The following DGKB variants were observed in gnomAD, a reference collection of about 807,000 sequenced individuals.
DGKB encodes 90 kDa diacylglycerol kinase.
In DGKB, 67 loss-of-function variants were observed where a neutral mutation model predicts 114.3. The ratio of observed to expected loss-of-function variants is 0.59; its 90% CI spans 0.48 to 0.72. DGKB has a LOEUF of 0.72. Among genes scored for constraint, DGKB ranks in the 30% least tolerant of loss-of-function variants. The probability of loss-of-function intolerance (pLI) is 0.00; values close to 1 mark genes in which losing one functional copy is unlikely to be tolerated. For missense variants in DGKB, 907 were observed against 975.2 expected (o/e 0.93, Z 0.93); for synonymous variants, 398 against 323.1 (o/e 1.23, Z -2.49).
rs1437066965 is a variant in DGKB at position 14,625,035 on chromosome 7, A to T, written c.1168-3541T>A. Reference sequence around the variant, plus strand: ...AATATATAAATAAAAACAAATTTTAAAACCCTAAGTTGAGTTTTCAACTTA... The same window carrying T: ...AATATATAAATAAAAACAAATTTTATAACCCTAAGTTGAGTTTTCAACTTA... On this transcript the variant is annotated intron_variant, in intron 14 of 25. Transcript: ENST00000402815. Among the ~76,000 whole-genome samples the T allele has an allele frequency of 2.0e-5, 3 of 152,074 alleles. No individual in the cohort carries two copies. The East Asian group carries it at 5.8e-4, about 29-fold the overall frequency.
rs181131680 is a variant in DGKB at position 14,400,984 on chromosome 7, A to G, written c.1836-55593T>C. ...CTCAATTTGCTGTCCTGTACTAGAT[A>G]TGTTGTCTTGTTGACTACAAAATCA... On this transcript the variant is annotated intron_variant, in intron 21 of 25. Coordinates refer to ENST00000402815, the MANE Select transcript of DGKB (RefSeq NM_001350709.2). Among the ~76,000 whole-genome samples the G allele has an allele frequency of 7.8e-4, 119 of 151,876 alleles. 3 individuals are homozygous for G. Among genetic ancestry groups the G allele is most frequent in the Non-Finnish European group, 1.5e-4 (10 of 67,814 alleles).
intron 20 of DGKB, among the ~76,000 whole-genome samples, chr7:14,542,276 G>A (rs578129771): frequency 1.6e-4 from 25 of 152,066 alleles, no homozygotes; most frequent in African/African-American, 5.8e-4. Context: ...ATCCTGTCTC[G>A]TCTTTCCAAA....
chr7:14,428,793 G>A (rs1827979164), intron 21 of DGKB, among the ~76,000 whole-genome samples: 1 of 152,006 alleles, frequency 6.6e-6, no homozygotes, highest in South Asian at 2.1e-4. Flanking sequence ...GCCACTCACT[G>A]ATTCAGCTAA....
At chr7:14,852,289 T>A (rs931718165) in intron 1 of DGKB, among the ~76,000 whole-genome samples, 2 of 151,422 alleles carry the variant, frequency 1.3e-5, no homozygotes, top group Non-Finnish European at 2.9e-5. Flanking sequence ...AGTGTGTGTG[T>A]GTGTGTGTTT....
chr7:14,607,281 T>G (rs1035670538), intron 17 of DGKB, among the ~76,000 whole-genome samples, 153 bp downstream of exon 17: 4 of 151,886 alleles, frequency 2.6e-5, no homozygotes, highest in African/African-American at 4.8e-5. Flanking sequence ...AAACCAGTAT[T>G]TGCACTCATT....
At chr7:14,819,469 G>T (rs1844608501) in intron 2 of DGKB, among the ~76,000 whole-genome samples, 1 of 151,994 alleles carries the variant, frequency 6.6e-6, no homozygotes, top group South Asian at 2.1e-4. Flanking sequence ...CTATGCCTGT[G>T]GTCCCAGCTA....
At chr7:14,209,179 A>G (rs1166747057) in intron 23 of DGKB, 12 of 242,616 alleles carry the variant, frequency 4.9e-5, no homozygotes, top group Non-Finnish European at 7.9e-5. Flanking sequence ...GATAGAAAAA[A>G]AAAAAACGCC....
At chr7:14,790,495 T>A (rs1473324419) in intron 2 of DGKB, among the ~76,000 whole-genome samples, 1 of 127,152 alleles carries the variant, frequency 7.9e-6, no homozygotes, top group Non-Finnish European at 1.6e-5. Context: ...TAGGCTCATT[T>A]TTTTTGTTGT....
chr7:14,482,441 G>A (rs73679794), intron 20 of DGKB, among the ~76,000 whole-genome samples: 309 of 152,154 alleles, frequency 2.0e-3, no homozygotes, highest in African/African-American at 6.9e-3. Context: ...TCAAAAGGGT[G>A]AGGAATATCA....
At chr7:14,151,238 C>T (rs1782153071) in intron 25 of DGKB, among the ~76,000 whole-genome samples, 1 of 151,922 alleles carries the variant, frequency 6.6e-6, no homozygotes, top group Non-Finnish European at 1.5e-5. Flanking sequence ...GGTATAATAG[C>T]ATTAGGGCAT....
intron 15 of DGKB, among the ~76,000 whole-genome samples, chr7:14,616,669 G>C (rs1806592384): frequency 6.6e-6 from 1 of 151,686 alleles, no homozygotes; most frequent in Non-Finnish European, 1.5e-5. Flanking sequence ...ATATAGAACA[G>C]ATGACTTCCT....
In DGKB at chr7:14,838,734, C is replaced by A. The variant is rs549797564; in HGVS notation, c.70+2460G>T. 9.8e-5 allele frequency among the ~76,000 whole-genome samples: 15 copies of A among 152,288 alleles called. 1 individual carries two copies. Among genetic ancestry groups the A allele is most frequent in the African/African-American group, 3.6e-4 (15 of 41,552 alleles). On this transcript the variant is annotated intron_variant, in intron 2 of 25. Coordinates refer to ENST00000402815, the MANE Select transcript of DGKB (RefSeq NM_001350709.2). ...CATCACCATATACCATCTTCTCAGT[C>A]GTCAAAGTAAACTTCTCGAAGCATA... is the stretch of plus-strand genomic sequence containing the variant.
At chr7:14,399,800 G>A (rs1270535980) in intron 21 of DGKB, among the ~76,000 whole-genome samples, 7 of 151,848 alleles carry the variant, frequency 4.6e-5, no homozygotes, top group African/African-American at 1.7e-4. Flanking sequence ...CTCAAAAAGA[G>A]ACAGAATAGG....
chr7:14,461,888 G>A (rs12540039), intron 21 of DGKB, among the ~76,000 whole-genome samples: 10,726 of 152,110 alleles, frequency 0.071, 504 homozygotes, highest in East Asian at 0.21. Context: ...CCAGCAGGAC[G>A]TCAAAAAGCT....
At chr7:14,358,600 G>T (rs577047864) in intron 21 of DGKB, among the ~76,000 whole-genome samples, 1 of 152,204 alleles carries the variant, frequency 6.6e-6, no homozygotes, top group Admixed American at 6.5e-5. Flanking sequence ...AGCAACTTCA[G>T]CAAAGTCTCA....
chr7:14,385,187 C>T (rs545374231), intron 21 of DGKB, among the ~76,000 whole-genome samples: 7 of 152,106 alleles, frequency 4.6e-5, no homozygotes, highest in South Asian at 2.1e-4. Context: ...CACAATGTCA[C>T]GCATGCTGTA....
intron 2 of DGKB, among the ~76,000 whole-genome samples, chr7:14,815,487 C>T (rs1270868589): frequency 6.6e-6 from 1 of 152,208 alleles, no homozygotes; most frequent in East Asian, 1.9e-4. Context: ...ATACAGGTTG[C>T]CCCATTTCTG....
At chr7:14,166,233 T>C (rs1198592180) in intron 25 of DGKB, among the ~76,000 whole-genome samples, 1 of 152,158 alleles carries the variant, frequency 6.6e-6, no homozygotes, top group Non-Finnish European at 1.5e-5. Flanking sequence ...ATCTTATAAG[T>C]GGGTAAAAAC....
intron 1 of DGKB, among the ~76,000 whole-genome samples, chr7:14,859,735 T>C (rs1850701191): frequency 6.6e-6 from 1 of 152,120 alleles, no homozygotes; most frequent in Non-Finnish European, 1.5e-5. Context: ...AACTTACCTG[T>C]TGTTTAATAA....
Sources: allele counts gnomAD v4.1 joint callset (sites outside exome capture counted in the v4.1 genomes callset), GRCh38; gene constraint gnomAD v4.1.1; transcripts MANE v1.5; gene names NCBI Gene and HGNC (gene_info 2026-07-23, HGNC 2026-07-21).